ELMOD2: variants seen among roughly 807,000 people sequenced by gnomAD.
ELMOD2 encodes the protein ELMO domain containing 2.
ELMOD2 carries 28 observed loss-of-function variants against 41.0 expected under a neutral mutation model. The ratio of observed to expected loss-of-function variants is 0.68; its 90% CI spans 0.51 to 0.94. ELMOD2 has a LOEUF of 0.94. Among genes scored for constraint, ELMOD2 ranks in the 40% least tolerant of loss-of-function variants. The probability of loss-of-function intolerance (pLI) is 0.00; values close to 1 mark genes in which losing one functional copy is unlikely to be tolerated. For synonymous variants in ELMOD2, 106 were observed against 107.2 expected, an observed-to-expected ratio of 0.99 and a Z score of 0.07; for missense variants, 333 against 343.1, an observed-to-expected ratio of 0.97 and a Z score of 0.23.
chr4:140,550,579 T>C lies in ELMOD2; in HGVS notation c.*204T>C. 2.3e-6 allele frequency: 1 copy of C among 430,678 alleles called. No individual in the cohort carries two copies. Among genetic ancestry groups the C allele is most frequent in the African/African-American group, 2.1e-5 (1 of 48,326 alleles). 26.7% of individuals were successfully genotyped at this position (430,678 alleles called of 1,614,324 possible). ...CTGTTCTCCAAAGGTACCTTATCCTTCCAAAGATCCCCTCTGTAGAGTCAT... is the reference window on the plus strand; with the variant it reads ...CTGTTCTCCAAAGGTACCTTATCCTCCCAAAGATCCCCTCTGTAGAGTCAT... On this transcript the variant is annotated 3_prime_UTR_variant, in exon 9 of 9. Transcript: ENST00000323570.
At chr4:140,528,016 A>G (rs1734626416) in intron 3 of ELMOD2, 1 of 152,540 alleles carries the variant, frequency 6.6e-6, no homozygotes, top group African/African-American at 2.4e-5. Flanking sequence ...AGCTGGGGCC[A>G]AGTTCCTGTC....
At chr4:140,538,298 T>A (rs909374538) in intron 5 of ELMOD2, among the ~76,000 whole-genome samples, 1 of 152,192 alleles carries the variant, frequency 6.6e-6, no homozygotes, top group African/African-American at 2.4e-5. Context: ...ATTCCAATTT[T>A]ATTTTAAAAT....
rs749450197 is a variant in ELMOD2 at position 140,535,877 on chromosome 4, G to A, written c.269+47G>A. On this transcript the variant is annotated intron_variant, in intron 4 of 8. Coordinates refer to ENST00000323570, the MANE Select transcript of ELMOD2 (RefSeq NM_153702.4). ...CTTTTTTATTATGCATTTATAGCCT[G>A]TGAGGTATCAATATCACACACTGTT... 3 of 1,527,784 alleles carry A rather than the reference G, an allele frequency of 2.0e-6. No individual in the cohort carries two copies. In the South Asian group the frequency reaches 3.6e-5, roughly 18 times the overall value. The allele number at this position is 1,527,784 out of a possible 1,614,324, so 94.6% of individuals were successfully genotyped here.
intron 3 of ELMOD2, among the ~76,000 whole-genome samples, chr4:140,532,425 T>C (rs1734781818): frequency 1.3e-5 from 2 of 152,152 alleles, no homozygotes; most frequent in Non-Finnish European, 2.9e-5. Flanking sequence ...TCTCTGCCTC[T>C]TGAAGTGCTG....
At chr4:140,525,862 C>A (rs776803117) in intron 2 of ELMOD2, among the ~76,000 whole-genome samples, 1 of 152,210 alleles carries the variant, frequency 6.6e-6, no homozygotes, top group East Asian at 1.9e-4. Context: ...TCTATACTTA[C>A]ATAATCCCTT....
chr4:140,525,584 A>G lies in ELMOD2; in HGVS notation c.142+14A>G, dbSNP rs1255975178. On this transcript the variant is annotated intron_variant, in intron 2 of 8. Transcript: ENST00000323570. ...CACACAGGATAGGTAATGTTATTCA[A>G]AAAGAAAAAGTACTAATAAAAGTTT... 1.3e-6 allele frequency: 2 copies of G among 1,587,568 alleles called. No homozygotes were observed. Among genetic ancestry groups the G allele is most frequent in the East Asian group, 2.3e-5 (1 of 44,336 alleles).
chr4:140,540,362 G>A lies in ELMOD2; in HGVS notation c.533+61G>A, dbSNP rs961386171. On this transcript the variant is annotated intron_variant, in intron 6 of 8. Coordinates refer to ENST00000323570, the MANE Select transcript of ELMOD2 (RefSeq NM_153702.4). ...GAAATTACATTTAATCTCTGATCTA[G>A]TTACTTCTAATAAGAAGTGATCTAG... 15 of 1,586,038 alleles carry A rather than the reference G, an allele frequency of 9.5e-6. No homozygotes were observed. In the African/African-American group the frequency reaches 1.4e-4, roughly 14 times the overall value.
Position 140,550,593 on chromosome 4 carries a change from C to T in ELMOD2, c.*218C>T, listed in dbSNP as rs1735442951. The T allele has an allele frequency of 2.7e-6, 1 of 369,216 alleles. No individual in the cohort carries two copies. The highest frequency in any genetic ancestry group is 2.1e-5 in the African/African-American group (1 of 47,060). 22.9% of individuals were successfully genotyped at this position (369,216 alleles called of 1,614,324 possible). On this transcript the variant is annotated 3_prime_UTR_variant, in exon 9 of 9. Coordinates refer to ENST00000323570, the MANE Select transcript of ELMOD2 (RefSeq NM_153702.4). The stretch of plus-strand genomic sequence containing the variant: ...TACCTTATCCTTCCAAAGATCCCCT[C>T]TGTAGAGTCATGCGAACTACAGTTT...
At chr4:140,535,692 A>G in intron 3 of ELMOD2, 41 bp from the exon 4 acceptor site, 1 of 1,554,786 alleles carries the variant, frequency 6.4e-7, no homozygotes, top group Non-Finnish European at 8.8e-7. Flanking sequence ...TTTTTCAGCT[A>G]CAAAGAATTT....
intron 8 of ELMOD2, among the ~76,000 whole-genome samples, chr4:140,546,827 G>A (rs1735302964): frequency 1.3e-5 from 2 of 152,084 alleles, no homozygotes; most frequent in Admixed American, 1.3e-4. Flanking sequence ...GGACATTAAA[G>A]TGTAATATCT....
rs528296185 is a variant in ELMOD2 at position 140,550,559 on chromosome 4, C to G, written c.*184C>G. 3 of 536,452 alleles carry G rather than the reference C, an allele frequency of 5.6e-6. No individual in the cohort carries two copies. In the Admixed American group the frequency reaches 1.3e-4, roughly 23 times the overall value. 33.2% of individuals were successfully genotyped at this position (536,452 alleles called of 1,614,324 possible). The stretch of plus-strand genomic sequence containing the variant: ...TGTTTACAATTGTTTATACACTGTT[C>G]TCCAAAGGTACCTTATCCTTCCAAA... On this transcript the variant is annotated 3_prime_UTR_variant, in exon 9 of 9. Transcript: ENST00000323570.
At chr4:140,531,993 AAC>A (rs1030568490) in intron 3 of ELMOD2, among the ~76,000 whole-genome samples, 3 of 152,178 alleles carry the variant, frequency 2.0e-5, no homozygotes, top group African/African-American at 7.2e-5. Flanking sequence ...AATAGAAAGA[AAC>A]ACACTTTATG....
chr4:140,526,787 C>A (rs1276675479), intron 2 of ELMOD2: 1 of 152,182 alleles, frequency 6.6e-6, no homozygotes, highest in Non-Finnish European at 1.5e-5. Flanking sequence ...GATAAGAAAT[C>A]TCTTCAGGCA....
rs1378921298 is a variant in ELMOD2 at position 140,541,653 on chromosome 4, G to A, written c.534-921G>A. ...TGAAAGCTTTGTATACTCTCTCCCC[G>A]GGAAATATATATATAGAAAAAGTCC... On this transcript the variant is annotated intron_variant, in intron 6 of 8. Transcript: ENST00000323570. 5.3e-5 allele frequency among the ~76,000 whole-genome samples: 8 copies of A among 151,828 alleles called. No homozygotes were observed. The East Asian group carries it at 7.7e-4, about 15-fold the overall frequency.
intron 8 of ELMOD2, among the ~76,000 whole-genome samples, chr4:140,544,723 C>T (rs1735217084): frequency 6.6e-6 from 1 of 152,100 alleles, no homozygotes; most frequent in African/African-American, 2.4e-5. Context: ...ATATATTATG[C>T]TCTCTCTTGA....
chr4:140,528,843 TAG>T (rs1465041369), intron 3 of ELMOD2, among the ~76,000 whole-genome samples: 3 of 152,226 alleles, frequency 2.0e-5, no homozygotes, highest in African/African-American at 7.2e-5. Context: ...TCAGAATTGT[TAG>T]AGAGTGATTA....
At position 140,552,149 on chromosome 4, in the gene ELMOD2, C is replaced by T. The variant is rs893558459; in HGVS notation, c.*1774C>T. 4.6e-5 allele frequency: 7 copies of T among 151,934 alleles called. No individual in the cohort carries two copies. The highest frequency in any genetic ancestry group is 1.7e-4 in the African/African-American group (7 of 41,388). The allele number at this position is 151,934 out of a possible 1,614,324, so 9.4% of individuals were successfully genotyped here. On this transcript the variant is annotated 3_prime_UTR_variant, in exon 9 of 9. Coordinates refer to ENST00000323570, the MANE Select transcript of ELMOD2 (RefSeq NM_153702.4). ...TTACATGGAAAGCAATTCTGTTCAT[C>T]TTTTGATGTTTGTGTTGAAAATGCT...
At chr4:140,534,250 T>C (rs1734839917) in intron 3 of ELMOD2, among the ~76,000 whole-genome samples, 2 of 152,084 alleles carry the variant, frequency 1.3e-5, no homozygotes, top group Admixed American at 1.3e-4. Flanking sequence ...AATGTGGATA[T>C]GAGTAAGAAT....
intron 4 of ELMOD2, 36 bp from the exon 5 acceptor site, chr4:140,537,376 G>A: frequency 1.4e-6 from 2 of 1,456,858 alleles, no homozygotes; most frequent in Non-Finnish European, 1.8e-6. Flanking sequence ...TGTGATAAGA[G>A]GGTATGCTTT....
Sources: gnomAD v4.1 joint callset for allele counts (sites outside exome capture counted in the v4.1 genomes callset) on GRCh38, gnomAD v4.1.1 for gene constraint, MANE v1.5 for transcripts, NCBI Gene and HGNC (gene_info 2026-07-23, HGNC 2026-07-21) for gene names.